LY75: variants seen among roughly 807,000 people sequenced by gnomAD.
LY75 encodes the protein C-type lectin domain family 13 member B.
In LY75, 185 loss-of-function variants were observed where a neutral mutation model predicts 231.7. The ratio of observed to expected loss-of-function variants is 0.80; its 90% CI spans 0.71 to 0.90. The LOEUF (loss-of-function observed/expected upper bound fraction) is 0.90. Among genes scored for constraint, LY75 ranks in the 40% least tolerant of loss-of-function variants. The probability of loss-of-function intolerance (pLI) is 0.00; values close to 1 mark genes in which losing one functional copy is unlikely to be tolerated. For synonymous variants in LY75, 668 were observed against 689.0 expected (o/e 0.97, Z 0.48); for missense variants, 1,947 against 2,050.2 (o/e 0.95, Z 0.97).
chr2:159,888,437 C>G (rs1007707954), intron 4 of LY75, among the ~76,000 whole-genome samples: 4 of 152,154 alleles, frequency 2.6e-5, no homozygotes, highest in African/African-American at 9.7e-5. Context: ...AAATCCCAAT[C>G]TGATACTTCT....
rs775014722 is a variant in LY75, at chr2:159,817,030, C to G, written c.4156G>C (p.Asp1386His). 6.3e-7 allele frequency: 1 copy of G among 1,591,682 alleles called. No homozygotes were observed. Among genetic ancestry groups the G allele is most frequent in the East Asian group, 2.2e-5 (1 of 44,472 alleles). Residue 1386 changes from aspartate (D) to histidine (H), a missense_variant and splice_region_variant, in exon 30 of 35, where the codon GAC becomes CAC. Asp to His is a moderately conservative substitution (Grantham distance 81, BLOSUM62 -1). Coordinates refer to ENST00000263636, the MANE Select transcript of LY75 (RefSeq NM_002349.4). ...GTAGTATTATATTCTTCTTTGTAGTCAACTATAATAATTAAAAGCACTGGT... is the reference window on the plus strand; with the variant it reads ...GTAGTATTATATTCTTCTTTGTAGTGAACTATAATAATTAAAAGCACTGGT... ...SILACKIEMV[D>H]YKEEYNTTLP...
At chr2:159,855,900 C>T (rs759185366) in intron 16 of LY75, among the ~76,000 whole-genome samples, 1 of 152,202 alleles carries the variant, frequency 6.6e-6, no homozygotes, top group Non-Finnish European at 1.5e-5. Flanking sequence ...ATGTGAGCCT[C>T]AGGCAGGCAT....
At chr2:159,869,234 C>T (rs1406983370) in intron 13 of LY75, among the ~76,000 whole-genome samples, 1 of 151,488 alleles carries the variant, frequency 6.6e-6, no homozygotes, top group Non-Finnish European at 1.5e-5. Context: ...ACCAACATGG[C>T]ACATGTATAC....
chr2:159,897,106 T>C (rs562752822), intron 2 of LY75, among the ~76,000 whole-genome samples: 1 of 152,152 alleles, frequency 6.6e-6, no homozygotes, highest in South Asian at 2.1e-4. Flanking sequence ...TAGAAATGCA[T>C]ACATAAAATA....
At chr2:159,837,863 C>G (rs1683880268) in intron 25 of LY75, among the ~76,000 whole-genome samples, 1 of 152,204 alleles carries the variant, frequency 6.6e-6, no homozygotes, top group Admixed American at 6.5e-5. Context: ...CCCTGACATT[C>G]ACTAAGATGT....
Position 159,840,506 on chromosome 2 carries a change from A to G in LY75, c.3507+223T>C, listed in dbSNP as rs1574547075. 2.6e-5 allele frequency among the ~76,000 whole-genome samples: 4 copies of G among 152,294 alleles called. 1 individual carries two copies. In the South Asian group the frequency reaches 6.2e-4, roughly 24 times the overall value. On this transcript the variant is annotated intron_variant, in intron 25 of 34. Coordinates refer to ENST00000263636, the MANE Select transcript of LY75 (RefSeq NM_002349.4). Reference sequence around the variant, plus strand: ...AGGATCGCTTGAGCCCGGGAGGTCAAGGCTGCAGTGAAGTGTGATCACACC... The same window carrying G: ...AGGATCGCTTGAGCCCGGGAGGTCAGGGCTGCAGTGAAGTGTGATCACACC...
chr2:159,895,311 AAG>A (rs376069890), intron 2 of LY75, among the ~76,000 whole-genome samples: 110 of 152,294 alleles, frequency 7.2e-4, no homozygotes, highest in African/African-American at 2.6e-3. Flanking sequence ...ACTTCTGTTA[AAG>A]AGTGTGTTGA....
intron 23 of LY75, among the ~76,000 whole-genome samples, chr2:159,848,858 A>T (rs1684296948): frequency 6.6e-6 from 1 of 152,180 alleles, no homozygotes; most frequent in African/African-American, 2.4e-5. Context: ...AGGATAGGAT[A>T]AGACAGGAGA....
At chr2:159,808,883 G>C (rs1197620160) in intron 32 of LY75, among the ~76,000 whole-genome samples, 1 of 152,292 alleles carries the variant, frequency 6.6e-6, no homozygotes, top group Non-Finnish European at 1.5e-5. Flanking sequence ...AGAAAGAGTT[G>C]TGTAACCTCC....
At chr2:159,869,293 T>TATA (rs1684942321) in intron 13 of LY75, among the ~76,000 whole-genome samples, 1 of 148,940 alleles carries the variant, frequency 6.7e-6, no homozygotes, top group Non-Finnish European at 1.5e-5. Context: ...GAACTTAAAG[T>TATA]ATAATAATAA....
At chr2:159,874,109 GTA>G (rs1298582516) in intron 12 of LY75, among the ~76,000 whole-genome samples, 1 of 76,112 alleles carries the variant, frequency 1.3e-5, no homozygotes, top group Non-Finnish European at 2.7e-5. Flanking sequence ...ATATATAAAC[GTA>G]TATATATTTT....
At chr2:159,903,184 T>C (rs1438466567) in intron 1 of LY75, 1 of 152,212 alleles carries the variant, frequency 6.6e-6, no homozygotes, top group Non-Finnish European at 1.5e-5. Flanking sequence ...GAGTTAAACC[T>C]GGTGCTTTTT....
chr2:159,808,308 G>C (rs1339339373), intron 33 of LY75, 141 bp downstream of exon 33: 1 of 1,446,034 alleles, frequency 6.9e-7, no homozygotes, highest in African/African-American at 1.4e-5. Context: ...TAACCATCCA[G>C]AACAGCCAGC....
chr2:159,891,599 C>T (rs1685758480), intron 3 of LY75, among the ~76,000 whole-genome samples: 1 of 152,124 alleles, frequency 6.6e-6, no homozygotes, highest in Admixed American at 6.5e-5. Context: ...CTCTAGGAAG[C>T]ATATGCATGC....
In LY75 at chr2:159,854,352, T is replaced by C; in HGVS notation, c.2595+8A>G. ...GAAATATATTTAAAATATATTCTTT[T>C]AAATTACATTTGCTATTTTGTTTTT... is the stretch of plus-strand genomic sequence containing the variant. On this transcript the variant is annotated splice_region_variant and intron_variant, in intron 18 of 34. Transcript: ENST00000263636. The C allele has an allele frequency of 7.2e-7, 1 of 1,380,992 alleles. No individual in the cohort carries two copies. The highest frequency in any genetic ancestry group is 9.5e-7 in the Non-Finnish European group (1 of 1,053,282). 85.5% of individuals were successfully genotyped at this position (1,380,992 alleles called of 1,614,324 possible). A position where few individuals can be genotyped will look rare whatever the true frequency, so the allele number is the denominator to read the frequency against.
intron 28 of LY75, among the ~76,000 whole-genome samples, chr2:159,820,511 T>C (rs1039110662): frequency 6.6e-5 from 10 of 151,942 alleles, no homozygotes; most frequent in Non-Finnish European, 1.5e-5. Context: ...AATGATACAA[T>C]AGACTCTGGG....
chr2:159,807,980 A>T (rs1425773616), intron 33 of LY75: 3 of 926,192 alleles, frequency 3.2e-6, no homozygotes, highest in African/African-American at 3.6e-5. Flanking sequence ...GTTTTTAAAG[A>T]TTACTATTAA....
chr2:159,834,165 T>C lies in LY75; in HGVS notation c.3720A>G (p.Pro1240=). The change falls in exon 27 of 35, where the codon CCA becomes CCG. Residue 1240 remains proline, a synonymous_variant. Coordinates refer to ENST00000263636, the MANE Select transcript of LY75 (RefSeq NM_002349.4). ...TCCACGGAGTATTTAGAACAGGAGA[T>C]GGACATTTAACACTGTCAACTGGTT... ...EVKPVDSVKC[P]SPVLNTPWIP... is the part of the protein sequence containing the mutation. The C allele has an allele frequency of 1.9e-6, 3 of 1,614,078 alleles. No individual in the cohort carries two copies. The highest frequency in any genetic ancestry group is 2.5e-6 in the Non-Finnish European group (3 of 1,179,950).
In LY75 at chr2:159,816,808, C is replaced by T. The variant is rs750950327; in HGVS notation, c.4378G>A (p.Asp1460Asn). The change falls in exon 30 of 35, where the codon GAT becomes AAT. Residue 1460 changes from aspartate (D) to asparagine (N), a missense_variant and splice_region_variant. Coordinates refer to ENST00000263636, the MANE Select transcript of LY75 (RefSeq NM_002349.4). Reference protein sequence around the residue: ...FPLWVGLSSHDGSESSFEWSD... With the variant: ...FPLWVGLSSHNGSESSFEWSD... ...CTGGAAAACGAAGCAAGACTTACATCATGACTTGAGAGCCCAACCCATAGT... is the reference window on the plus strand; with the variant it reads ...CTGGAAAACGAAGCAAGACTTACATTATGACTTGAGAGCCCAACCCATAGT... The T allele has an allele frequency of 4.3e-6, 7 of 1,613,276 alleles. No individual in the cohort carries two copies. The highest frequency in any genetic ancestry group is 5.9e-6 in the Non-Finnish European group (7 of 1,179,474).
Sources: gnomAD v4.1 joint callset for allele counts (sites outside exome capture counted in the v4.1 genomes callset) on GRCh38, gnomAD v4.1.1 for gene constraint, MANE v1.5 for transcripts, NCBI Gene and HGNC (gene_info 2026-07-23, HGNC 2026-07-21) for gene names.